The following CABIN1 variants were observed in gnomAD, a reference collection of about 807,000 sequenced individuals.
CABIN1 encodes the protein calcineurin-binding protein cabin-1.
CABIN1 carries 133 observed loss-of-function variants against 227.7 expected under a neutral mutation model. The observed-to-expected ratio is 0.58, with a 90% CI of 0.51 to 0.67. The LOEUF (loss-of-function observed/expected upper bound fraction) is 0.67, where lower values mean the gene tolerates loss of function less well. CABIN1 is among the 30% of genes least tolerant of loss of function. The pLI is 0.00. For missense variants in CABIN1, 2,408 were observed against 2,852.5 expected, an observed-to-expected ratio of 0.84 and a Z score of 3.55; for synonymous variants, 1,086 against 1,155.1, an observed-to-expected ratio of 0.94 and a Z score of 1.21.
In CABIN1 at chr22:24,051,534, G is replaced by A. The variant is rs946681233; in HGVS notation, c.806+560G>A. Among the ~76,000 whole-genome samples, 9 of 152,208 alleles carry A rather than the reference G, an allele frequency of 5.9e-5. No homozygotes were observed. In the Middle Eastern group the frequency reaches 0.017, roughly 288 times the overall value. ...AGTTGGGATAGTTTAGTCCCTTAGC[G>A]AGCTCTGGAATTCAATTTCTGTATT... On this transcript the variant is annotated intron_variant, in intron 8 of 36. Coordinates refer to ENST00000263119, the MANE Select transcript of CABIN1 (RefSeq NM_012295.4).
intron 1 of CABIN1, among the ~76,000 whole-genome samples, chr22:24,021,942 C>A (rs1419586662): frequency 6.6e-6 from 1 of 151,860 alleles, no homozygotes; most frequent in Non-Finnish European, 1.5e-5. Flanking sequence ...ACCTTGGCCT[C>A]CCAAAGTGCT....
chr22:24,122,489 C>T (rs1001295872), intron 28 of CABIN1, among the ~76,000 whole-genome samples: 1 of 152,026 alleles, frequency 6.6e-6, no homozygotes, highest in Admixed American at 6.5e-5. Flanking sequence ...GGGTGAATCA[C>T]CTGAGGTCAG....
intron 15 of CABIN1, 81 bp from the exon 16 acceptor site, chr22:24,066,906 A>G: frequency 7.2e-7 from 1 of 1,382,616 alleles, no homozygotes; most frequent in Non-Finnish European, 1.0e-6. Context: ...TCCAAGTCTG[A>G]TAAAAACAAA....
At chr22:24,158,823 T>C (rs969271809) in intron 29 of CABIN1, among the ~76,000 whole-genome samples, 4 of 152,158 alleles carry the variant, frequency 2.6e-5, no homozygotes, top group Non-Finnish European at 1.5e-5. Context: ...AAGGGATTTA[T>C]CTGTGGCATA....
In CABIN1 at chr22:24,061,078, T is replaced by C. The variant is rs1280224219; in HGVS notation, c.1618-869T>C. Among the ~76,000 whole-genome samples, 4 of 152,186 alleles carry C rather than the reference T, an allele frequency of 2.6e-5. No individual in the cohort carries two copies. In the East Asian group the frequency reaches 7.7e-4, roughly 29 times the overall value. On this transcript the variant is annotated intron_variant, in intron 12 of 36. Transcript: ENST00000263119. ...GATGACAGGCGGGAGCCACCATGCC[T>C]GGCCTATGACTATTTTTAACAGATG...
chr22:24,012,058 A>C (rs1044580516), intron 1 of CABIN1, among the ~76,000 whole-genome samples: 1 of 152,246 alleles, frequency 6.6e-6, no homozygotes, highest in Admixed American at 6.5e-5. Flanking sequence ...TGCTTAGAAC[A>C]GTCTCGTTCA....
chr22:24,172,664 A>G (rs1250979105), intron 34 of CABIN1, among the ~76,000 whole-genome samples: 1 of 152,214 alleles, frequency 6.6e-6, no homozygotes, highest in African/African-American at 2.4e-5. Flanking sequence ...CCCAGGATCC[A>G]TTGGAATGGC....
chr22:24,162,884 C>T (rs1472607628), intron 29 of CABIN1, among the ~76,000 whole-genome samples: 1 of 152,200 alleles, frequency 6.6e-6, no homozygotes, highest in Non-Finnish European at 1.5e-5. Context: ...CTGTTGGTGT[C>T]TATGTGCCCT....
chr22:24,087,688 A>G lies in CABIN1; in HGVS notation c.3500A>G (p.Glu1167Gly). The change falls in exon 23 of 37, where the codon GAG becomes GGG. Residue 1167 changes from glutamate (E) to glycine (G), a missense_variant. Transcript: ENST00000263119. ...ASRQLKQWRG[E>G]LPPELVQQME... The stretch of plus-strand genomic sequence containing the variant: ...CGTCAATTGAAGCAGTGGAGAGGCG[A>G]GCTGCCCCCTGAGCTCGTGCAGCAG... The G allele has an allele frequency of 6.2e-7, 1 of 1,614,012 alleles. No homozygotes were observed. The highest frequency in any genetic ancestry group is 1.3e-5 in the African/African-American group (1 of 75,038).
Position 24,087,610 on chromosome 22 carries a change from C to A in CABIN1, c.3422C>A (p.Ser1141Tyr). ...RALEIDSSNLSLWIEYGTMSY... is the reference protein window; with the variant it reads ...RALEIDSSNLYLWIEYGTMSY... ...CTGGAGATTGACAGCTCCAACTTGT[C>A]CCTATGGATTGAGTATGGCACCATG... Residue 1141 changes from serine to tyrosine, a missense_variant, in exon 23 of 37, where the codon TCC becomes TAC. Physicochemically the swap from Ser to Tyr is moderately radical, Grantham distance 144. Transcript: ENST00000263119. The A allele has an allele frequency of 6.2e-7, 1 of 1,614,196 alleles. No homozygotes were observed. Among genetic ancestry groups the A allele is most frequent in the Non-Finnish European group, 8.5e-7 (1 of 1,180,032 alleles).
At chr22:24,076,732 A>G (rs2040470650) in intron 19 of CABIN1, among the ~76,000 whole-genome samples, 1 of 152,192 alleles carries the variant, frequency 6.6e-6, no homozygotes, top group Non-Finnish European at 1.5e-5. Context: ...ACATCCATTC[A>G]GTCACTAAAT....
chr22:24,146,238 G>A (rs569721382), intron 29 of CABIN1, among the ~76,000 whole-genome samples: 1 of 152,334 alleles, frequency 6.6e-6, no homozygotes, highest in African/African-American at 2.4e-5. Flanking sequence ...TGGGCCAGTT[G>A]CACAAGCAGA....
At chr22:24,108,981 CTGTT>C (rs1368090920) in intron 26 of CABIN1, among the ~76,000 whole-genome samples, 3 of 152,192 alleles carry the variant, frequency 2.0e-5, no homozygotes, top group Non-Finnish European at 2.9e-5. Context: ...TGAACCTTTA[CTGTT>C]TGTTAGGCAC....
chr22:24,034,579 G>A (rs1181788197), intron 1 of CABIN1, among the ~76,000 whole-genome samples: 1 of 152,180 alleles, frequency 6.6e-6, no homozygotes, highest in Non-Finnish European at 1.5e-5. Context: ...TCATGAACAA[G>A]TTTTGGCGTG....
At chr22:24,111,525 C>T (rs2042807482) in intron 26 of CABIN1, among the ~76,000 whole-genome samples, 1 of 152,196 alleles carries the variant, frequency 6.6e-6, no homozygotes, top group South Asian at 2.1e-4. Context: ...TAGTTTCATC[C>T]TGAAACTATC....
chr22:24,037,835 A>G (rs2037041649), intron 3 of CABIN1, among the ~76,000 whole-genome samples: 1 of 152,146 alleles, frequency 6.6e-6, no homozygotes. Flanking sequence ...CAGGATACCT[A>G]CACTTCTGTC....
Position 24,068,186 on chromosome 22 carries a change from G to A in CABIN1, c.2232+1005G>A, listed in dbSNP as rs557501270. Among the ~76,000 whole-genome samples, 11 of 152,338 alleles carry A rather than the reference G, an allele frequency of 7.2e-5. No individual in the cohort carries two copies. The South Asian group carries it at 2.3e-3, about 32-fold the overall frequency. On this transcript the variant is annotated intron_variant, in intron 16 of 36. Transcript: ENST00000263119. ...ATGGGGAAAGGGTAAGAAAGAGTTG[G>A]TTTGGGGAAGCAGGAGGGAGAAGGG... is the stretch of plus-strand genomic sequence containing the variant.
chr22:24,151,275 C>T (rs1401613767), intron 29 of CABIN1, among the ~76,000 whole-genome samples: 1 of 152,128 alleles, frequency 6.6e-6, no homozygotes, highest in Non-Finnish European at 1.5e-5. Flanking sequence ...GGACACCTGG[C>T]ACAGACCATG....
Position 24,055,040 on chromosome 22 carries a change from G to A in CABIN1, c.974G>A (p.Ser325Asn), listed in dbSNP as rs771893081. The change falls in exon 9 of 37, where the codon AGC becomes AAC. Residue 325 changes from serine (S) to asparagine (N), a missense_variant. Coordinates refer to ENST00000263119, the MANE Select transcript of CABIN1 (RefSeq NM_012295.4). ...ACGCCAGTTAACGTGATCCAGCCAA[G>A]CACTGTCAGCACCAACCCAGCTGTG... ...VVTPVNVIQP[S>N]TVSTNPAVAV... 6.2e-7 allele frequency: 1 copy of A among 1,614,258 alleles called. No individual in the cohort carries two copies. Among genetic ancestry groups the A allele is most frequent in the Non-Finnish European group, 8.5e-7 (1 of 1,180,046 alleles).
Sources: allele counts gnomAD v4.1 joint callset (sites outside exome capture counted in the v4.1 genomes callset), GRCh38; gene constraint gnomAD v4.1.1; transcripts MANE v1.5; gene names NCBI Gene and HGNC (gene_info 2026-07-23, HGNC 2026-07-21).